The following DNAJA4 variants were observed in gnomAD, a reference collection of about 807,000 sequenced individuals.
DNAJA4 encodes dnaJ homolog subfamily A member 4.
In DNAJA4, 32 loss-of-function variants were observed where a neutral mutation model predicts 39.7. The observed-to-expected ratio is 0.81, with a 90% CI of 0.61 to 1.08. The LOEUF (loss-of-function observed/expected upper bound fraction) is 1.08. DNAJA4 is among the 50% of genes least tolerant of loss of function. The pLI, the probability that DNAJA4 is intolerant of heterozygous loss-of-function variation, is 0.00. For synonymous variants in DNAJA4, 184 were observed against 182.4 expected (o/e 1.01, Z -0.07); for missense variants, 439 against 505.1 (o/e 0.87, Z 1.25).
chr15:78,270,856 A>G (rs1372929608), intron 2 of DNAJA4, among the ~76,000 whole-genome samples, 179 bp downstream of exon 2: 1 of 152,118 alleles, frequency 6.6e-6, no homozygotes, highest in African/African-American at 2.4e-5. Context: ...CCAGGATTTC[A>G]AGACCAACCG....
upstream of DNAJA4, chr15:78,264,154 C>T (rs1484780966): frequency 6.3e-6 from 3 of 474,764 alleles, no homozygotes; most frequent in Non-Finnish European, 1.1e-5. Context: ...CAGTCCCACC[C>T]TTCGGCGCAG....
intron 1 of DNAJA4, among the ~76,000 whole-genome samples, chr15:78,267,041 CTCAT>C (rs376386009): frequency 3.9e-4 from 60 of 152,168 alleles, no homozygotes; most frequent in East Asian, 2.3e-3. Context: ...CCAGAGAGAG[CTCAT>C]TCATTCATTC....
chr15:78,275,528 A>G lies in DNAJA4; in HGVS notation c.677A>G (p.His226Arg), dbSNP rs17852881. 1.2e-6 allele frequency: 2 copies of G among 1,614,062 alleles called. No individual in the cohort carries two copies. Among genetic ancestry groups the G allele is most frequent in the Non-Finnish European group, 8.5e-7 (1 of 1,179,944 alleles). ...AAAGATGGGCAAAAGATACTATTTC[A>G]TGGAGAAGGAGATCAGGAGCCTGAG... The part of the protein sequence containing the change: ...GMKDGQKILF[H>R]GEGDQEPELE... Residue 226 changes from histidine to arginine, a missense_variant, in exon 5 of 7, where the codon CAT (histidine) becomes CGT (arginine). By Grantham distance (29) the His-to-Arg change is conservative. Coordinates refer to ENST00000394852, the MANE Select transcript of DNAJA4 (RefSeq NM_001130182.2).
chr15:78,280,176 A>G (rs751907163), intron 6 of DNAJA4, 31 bp downstream of exon 6: 13 of 1,611,198 alleles, frequency 8.1e-6, no homozygotes, highest in East Asian at 2.2e-5. Flanking sequence ...TGTCATGGAC[A>G]TATTATTAAA....
intron 4 of DNAJA4, 157 bp from the exon 5 acceptor site, chr15:78,275,341 G>C: frequency 4.9e-6 from 3 of 616,650 alleles, no homozygotes; most frequent in Non-Finnish European, 8.5e-6. Flanking sequence ...TTCTGTCATT[G>C]GCCATCCTAG....
intron 5 of DNAJA4, among the ~76,000 whole-genome samples, chr15:78,276,411 G>A (rs1286087278): frequency 6.6e-6 from 1 of 152,226 alleles, no homozygotes; most frequent in East Asian, 1.9e-4. Context: ...CCTGAGGCCT[G>A]AGCTCAGCCC....
rs777275813 is a variant in DNAJA4, at chr15:78,280,433, G to A, written c.1167G>A (p.Gln389=). Residue 389 remains glutamine, a synonymous_variant, in exon 7 of 7, where the codon CAG becomes CAA. Coordinates refer to ENST00000394852, the MANE Select transcript of DNAJA4 (RefSeq NM_001130182.2). ...EAYEEDEDGP[Q]AGVQCQTA ...ACGAGGAGGACGAAGACGGGCCCCA[G>A]GCTGGAGTGCAGTGCCAGACGGCAT... The A allele has an allele frequency of 1.2e-6, 2 of 1,612,856 alleles. No individual in the cohort carries two copies. The highest frequency in any genetic ancestry group is 3.3e-5 in the Admixed American group (2 of 59,904).
rs1339739946 is a variant in DNAJA4 at position 78,281,508 on chromosome 15, A to G, written c.*1048A>G. 1.3e-5 allele frequency: 2 copies of G among 152,256 alleles called. No homozygotes were observed. The highest frequency in any genetic ancestry group is 2.9e-5 in the Non-Finnish European group (2 of 68,050). 9.4% of individuals were successfully genotyped at this position (152,256 alleles called of 1,614,324 possible). On this transcript the variant is annotated 3_prime_UTR_variant, in exon 7 of 7. Coordinates refer to ENST00000394852, the MANE Select transcript of DNAJA4 (RefSeq NM_001130182.2). ...TTTCCTGCTCAAGTGATGTTTTGGTAAGAACTTCGCTGAGTTCCACTGTGG... is the reference window on the plus strand; with the variant it reads ...TTTCCTGCTCAAGTGATGTTTTGGTGAGAACTTCGCTGAGTTCCACTGTGG...
At chr15:78,267,168 G>GTGTGTA (rs1555438043) in intron 1 of DNAJA4, among the ~76,000 whole-genome samples, 3 of 102,316 alleles carry the variant, frequency 2.9e-5, no homozygotes, top group African/African-American at 9.5e-5. Context: ...GTATGTGAGT[G>GTGTGTA]TGTGAGTGTG....
rs8030867 is a variant in DNAJA4, at chr15:78,280,746, T to C, written c.*286T>C. On this transcript the variant is annotated 3_prime_UTR_variant, in exon 7 of 7. Coordinates refer to ENST00000394852, the MANE Select transcript of DNAJA4 (RefSeq NM_001130182.2). ...TTTGAGATGTCAGTGATTGCACCAA[T>C]ACTTTGTGCTTCTAGTGGCTTTGCC... 313,782 of 317,986 alleles carry C rather than the reference T, an allele frequency of 0.99. 154,952 individuals carry two copies. The highest frequency in any genetic ancestry group is 1 in the East Asian group (16,288 of 16,288). 19.7% of individuals were successfully genotyped at this position (317,986 alleles called of 1,614,324 possible).
In DNAJA4 at chr15:78,271,971, C is replaced by A. The variant is rs546648307; in HGVS notation, c.314-1124C>A. Among the ~76,000 whole-genome samples, 22 of 152,264 alleles carry A rather than the reference C, an allele frequency of 1.4e-4. No individual in the cohort carries two copies. The South Asian group carries it at 4.6e-3, about 32-fold the overall frequency. On this transcript the variant is annotated intron_variant, in intron 2 of 6. Transcript: ENST00000394852. The stretch of plus-strand genomic sequence containing the variant: ...GCTTGAAAAAGCTTGGGTGTCAATT[C>A]TGTGAACATAGAGTGCTGAAAATCA...
At chr15:78,273,783 C>T (rs1595925938) in intron 3 of DNAJA4, among the ~76,000 whole-genome samples, 1 of 152,182 alleles carries the variant, frequency 6.6e-6, no homozygotes, top group East Asian at 1.9e-4. Context: ...AAAGCCATGT[C>T]TGGTGACCCC....
At chr15:78,278,245 A>G (rs1296549759) in intron 5 of DNAJA4, 3 of 455,956 alleles carry the variant, frequency 6.6e-6, no homozygotes, top group African/African-American at 4.0e-5. Context: ...CCCAGCTCCC[A>G]GCAAGCTAGA....
In DNAJA4 at chr15:78,275,514, A is replaced by G; in HGVS notation, c.663A>G (p.Gln221=). 6.2e-7 allele frequency: 1 copy of G among 1,613,920 alleles called. No homozygotes were observed. The highest frequency in any genetic ancestry group is 1.6e-4 in the Middle Eastern group (1 of 6,062). Residue 221 remains glutamine (Q), a synonymous_variant, in exon 5 of 7, where the codon CAA becomes CAG. Transcript: ENST00000394852. ...VHVEKGMKDG[Q]KILFHGEGDQ... ...GTTTCATAGGTATGAAAGATGGGCA[A>G]AAGATACTATTTCATGGAGAAGGAG...
Position 78,279,165 on chromosome 15 carries a change from C to T in DNAJA4, c.878-880C>T, listed in dbSNP as rs75116131. On this transcript the variant is annotated intron_variant, in intron 5 of 6. Transcript: ENST00000394852. The surrounding 1 kb of genome is among the most constrained non-coding windows in gnomAD (Gnocchi z 4.5). ...TTTAAAACCTCCTCTTTAAAGATTT[C>T]CTCTTGAAGAGACAGCTCACTTTCT... 1 of 152,164 alleles carries T rather than the reference C, an allele frequency of 6.6e-6. No homozygotes were observed. The highest frequency in any genetic ancestry group is 1.5e-5 in the Non-Finnish European group (1 of 68,026). 9.4% of individuals were successfully genotyped at this position (152,164 alleles called of 1,614,324 possible). A position where few individuals can be genotyped will look rare whatever the true frequency, so the allele number is the denominator to read the frequency against.
rs1188987772 is a variant in DNAJA4 at position 78,267,136 on chromosome 15, A to ATGTGAGTGTG, written c.132+2246_132+2255dup. Among the ~76,000 whole-genome samples, 49 of 103,272 alleles carry ATGTGAGTGTG rather than the reference A, an allele frequency of 4.7e-4. 1 individual carries two copies. In the South Asian group the frequency reaches 0.016, roughly 34 times the overall value. The allele number at this position is 103,272 out of a possible 152,430, so 67.8% of individuals were successfully genotyped here. On this transcript the variant is annotated intron_variant, in intron 1 of 6. Coordinates refer to ENST00000394852, the MANE Select transcript of DNAJA4 (RefSeq NM_001130182.2). ...CTGTGCAGGCCTTTTGTGAGTGTGTATGTGAGTGTGTGTGTGAGTGTGTAT... is the reference window on the plus strand; with the variant it reads ...CTGTGCAGGCCTTTTGTGAGTGTGTATGTGAGTGTGTGTGAGTGTGTGTGTGAGTGTGTAT...
chr15:78,264,368 A>G, upstream of DNAJA4: 2 of 1,448,334 alleles, frequency 1.4e-6, no homozygotes, highest in Non-Finnish European at 9.0e-7. Flanking sequence ...CGGGCAGCCA[A>G]AGGAGCAGAC....
Position 78,273,143 on chromosome 15 carries a change from A to G in DNAJA4, c.362A>G (p.Asn121Ser). The G allele has an allele frequency of 1.2e-6, 2 of 1,607,972 alleles. No individual in the cohort carries two copies. The highest frequency in any genetic ancestry group is 1.7e-6 in the Non-Finnish European group (2 of 1,175,160). Residue 121 changes from asparagine (N) to serine (S), a missense_variant, in exon 3 of 7, where the codon AAT becomes AGT. Asn to Ser is a conservative substitution (Grantham distance 46, BLOSUM62 1). Coordinates refer to ENST00000394852, the MANE Select transcript of DNAJA4 (RefSeq NM_001130182.2). Reference protein sequence around the residue: ...QLSVTLEDLYNGVTKKLALQK... With the variant: ...QLSVTLEDLYSGVTKKLALQK... ...TCTGTAACTCTTGAAGATCTATATA[A>G]TGGAGTCACGAAGAAATTGGCCCTC...
chr15:78,278,029 TCCTC>T, intron 5 of DNAJA4: 1 of 455,964 alleles, frequency 2.2e-6, no homozygotes, highest in Non-Finnish European at 4.4e-6. Context: ...TCCCTCTTCT[TCCTC>T]TTTTCTGCTG....
Sources: allele counts gnomAD v4.1 joint callset (sites outside exome capture counted in the v4.1 genomes callset), GRCh38; gene constraint gnomAD v4.1.1; non-coding constraint Gnocchi (gnomAD v3.1); transcripts MANE v1.5; gene names NCBI Gene and HGNC (gene_info 2026-07-23, HGNC 2026-07-21).